The following SCNN1D variants were observed in gnomAD, a reference collection of about 807,000 sequenced individuals.
SCNN1D encodes the protein epithelial sodium channel subunit delta.
Under a neutral mutation model 87.8 loss-of-function variants are expected in SCNN1D, and 104 were observed. The observed-to-expected ratio is 1.18, with a 90% CI of 1.01 to 1.39. SCNN1D has a LOEUF of 1.39. SCNN1D is among the 40% of genes most tolerant of loss of function. The probability of loss-of-function intolerance (pLI) is 0.00; values close to 1 mark genes in which losing one functional copy is unlikely to be tolerated. For missense variants in SCNN1D, 1,324 were observed against 1,093.9 expected (o/e 1.21, Z -2.97); for synonymous variants, 628 against 481.2 (o/e 1.31, Z -3.99).
intron 3 of SCNN1D, chr1:1,281,870 G>A: frequency 1.7e-6 from 1 of 574,370 alleles, no homozygotes; most frequent in South Asian, 2.1e-5. Context: ...CTGCACCAAG[G>A]CTGGGCTGTC....
At chr1:1,284,806 A>ACG (rs1640553401) in intron 5 of SCNN1D, among the ~76,000 whole-genome samples, 1 of 152,070 alleles carries the variant, frequency 6.6e-6, no homozygotes, top group African/African-American at 2.4e-5. Context: ...TCTCACACAC[A>ACG]CGCGCACATG....
chr1:1,291,206 G>A (rs566647862), intron 17 of SCNN1D, 48 bp from the exon 18 acceptor site: 6 of 1,580,028 alleles, frequency 3.8e-6, no homozygotes, highest in South Asian at 3.4e-5. Flanking sequence ...TGCACAGAAG[G>A]GGCACGGGGG....
Position 1,290,530 on chromosome 1 carries a change from A to G in SCNN1D, c.1834A>G (p.Thr612Ala), listed in dbSNP as rs755793494. ...CCTGGAGACCCACCGGCTCCCCTGT[A>G]CCTCCCGCTGCCCCAGGCCCTGCAG... is the stretch of plus-strand genomic sequence containing the variant. ...QDLETHRLPC[T>A]SRCPRPCRES... Residue 612 changes from threonine (T) to alanine (A), a missense_variant, in exon 14 of 18, where the codon ACC (threonine) becomes GCC (alanine). Coordinates refer to ENST00000379116, the MANE Select transcript of SCNN1D (RefSeq NM_001130413.4). The G allele has an allele frequency of 1.9e-6, 3 of 1,612,420 alleles. No individual in the cohort carries two copies. Among genetic ancestry groups the G allele is most frequent in the Non-Finnish European group, 2.5e-6 (3 of 1,179,850 alleles).
chr1:1,288,062 C>A, intron 12 of SCNN1D, 25 bp downstream of exon 12: 1 of 592,102 alleles, frequency 1.7e-6, no homozygotes, highest in African/African-American at 2.8e-5. Context: ...GCAGGGGGTG[C>A]GGGGGCAGGT....
rs1213746373 is a variant in SCNN1D at position 1,291,617 on chromosome 1, C to T, written c.*7C>T. The T allele has an allele frequency of 6.6e-7, 1 of 1,506,716 alleles. No homozygotes were observed. Among genetic ancestry groups the T allele is most frequent in the African/African-American group, 1.4e-5 (1 of 71,484 alleles). The allele number at this position is 1,506,716 out of a possible 1,614,324, so 93.3% of individuals were successfully genotyped here. A position where few individuals can be genotyped will look rare whatever the true frequency, so the allele number is the denominator to read the frequency against. ...TGAGACTCTGGACACCTGAACCAGACCTGCCAGGGCTGTGCGATCTCTTGG... is the reference window on the plus strand; with the variant it reads ...TGAGACTCTGGACACCTGAACCAGATCTGCCAGGGCTGTGCGATCTCTTGG... On this transcript the variant is annotated 3_prime_UTR_variant, in exon 18 of 18. Coordinates refer to ENST00000379116, the MANE Select transcript of SCNN1D (RefSeq NM_001130413.4).
chr1:1,290,058 G>A (rs1319846890), intron 12 of SCNN1D, among the ~76,000 whole-genome samples: 6 of 109,228 alleles, frequency 5.5e-5, no homozygotes, highest in Admixed American at 9.3e-5. Flanking sequence ...GCTCCGTCCC[G>A]TGTCTCTGCT....
rs1376766880 is a variant in SCNN1D, at chr1:1,287,786, C to T, written c.1513C>T (p.His505Tyr). 3.8e-6 allele frequency: 6 copies of T among 1,592,258 alleles called. No individual in the cohort carries two copies. In the African/African-American group the frequency reaches 6.7e-5, roughly 18 times the overall value. Residue 505 changes from histidine to tyrosine, a missense_variant, in exon 11 of 18, where the codon CAC becomes TAC. His to Tyr is a moderately conservative substitution (Grantham distance 83, BLOSUM62 2). Transcript: ENST00000379116. ...TAACCACACGCCCTTCCTGGGGCACCACAGCTTCAGCGTCCGGCCAGGGAC... is the reference window on the plus strand; with the variant it reads ...TAACCACACGCCCTTCCTGGGGCACTACAGCTTCAGCGTCCGGCCAGGGAC... ...GRNHTPFLGH[H>Y]SFSVRPGTEA...
chr1:1,286,685 T>C (rs1640598487), intron 7 of SCNN1D, 83 bp from the exon 8 acceptor site: 6 of 1,346,530 alleles, frequency 4.5e-6, no homozygotes, highest in African/African-American at 1.4e-5. Context: ...GAGGCACTGC[T>C]GTCCCGACAG....
chr1:1,285,504 G>A (rs1640568684), intron 5 of SCNN1D, 67 bp from the exon 6 acceptor site: 1 of 1,128,520 alleles, frequency 8.9e-7, no homozygotes, highest in Non-Finnish European at 1.2e-6. Flanking sequence ...AGAAGGGCAA[G>A]TCTTCCCCTG....
intron 3 of SCNN1D, 138 bp from the exon 4 acceptor site, chr1:1,282,104 T>C: frequency 1.6e-6 from 1 of 644,304 alleles, no homozygotes; most frequent in Non-Finnish European, 2.9e-6. Flanking sequence ...CTGTGGGGTC[T>C]CTGTGACATC....
chr1:1,288,470 CT>C (rs1640680884), intron 12 of SCNN1D, among the ~76,000 whole-genome samples: 1 of 108,450 alleles, frequency 9.2e-6, no homozygotes, highest in Non-Finnish European at 1.9e-5. Context: ...CGTGTCTCTG[CT>C]CCGTCCCGTG....
Position 1,290,269 on chromosome 1 carries a change from A to AG in SCNN1D, c.1663dup. ...GTCCCTGCTCATCCCCCCTGTCCCC[A>AG]GGCCTGCCTGGTGTCCTGCTTCCAG... On this transcript the variant is annotated splice_acceptor_variant, in intron 12 of 17. Coordinates refer to ENST00000379116, the MANE Select transcript of SCNN1D (RefSeq NM_001130413.4). LOFTEE classifies it high-confidence loss of function. The AG allele has an allele frequency of 6.4e-7, 1 of 1,556,992 alleles. No homozygotes were observed.
Position 1,286,841 on chromosome 1 carries a change from G to A in SCNN1D, c.985G>A (p.Val329Ile), listed in dbSNP as rs377468821. 62 of 1,612,580 alleles carry A rather than the reference G, an allele frequency of 3.8e-5. No individual in the cohort carries two copies. The African/African-American group carries it at 5.9e-4, about 15-fold the overall frequency. ...ARENIDSLYNVNLSKGRAALS... is the reference protein window; with the variant it reads ...ARENIDSLYNINLSKGRAALS... Reference sequence around the variant, plus strand: ...GGAGAACATTGACTCCCTGTACAACGTCAACCTCAGCAAAGGCAGAGCCGC... The same window carrying A: ...GGAGAACATTGACTCCCTGTACAACATCAACCTCAGCAAAGGCAGAGCCGC... Residue 329 changes from valine (V) to isoleucine (I), a missense_variant, in exon 8 of 18, where the codon GTC (valine) becomes ATC (isoleucine). Transcript: ENST00000379116.
intron 12 of SCNN1D, 149 bp downstream of exon 12, chr1:1,288,186 T>C: frequency 1.6e-6 from 1 of 627,392 alleles, no homozygotes; most frequent in Admixed American, 2.9e-5. Flanking sequence ...CCATCCCCCG[T>C]GTCCCCGCTC....
Position 1,286,868 on chromosome 1 carries a change from C to G in SCNN1D, c.1012C>G (p.Leu338Val), listed in dbSNP as rs1640603289. ...CAACCTCAGCAAAGGCAGAGCCGCCCTCTCCGCCACTGTCCCCCGCCACGA... is the reference window on the plus strand; with the variant it reads ...CAACCTCAGCAAAGGCAGAGCCGCCGTCTCCGCCACTGTCCCCCGCCACGA... ...NVNLSKGRAALSATVPRHEPP... is the reference protein window; with the variant it reads ...NVNLSKGRAAVSATVPRHEPP... The change falls in exon 8 of 18, where the codon CTC becomes GTC. Residue 338 changes from leucine (L) to valine (V), a missense_variant. Leu to Val is a conservative substitution (Grantham distance 32). Coordinates refer to ENST00000379116, the MANE Select transcript of SCNN1D (RefSeq NM_001130413.4). 2.5e-6 allele frequency: 4 copies of G among 1,612,544 alleles called. No homozygotes were observed. Among genetic ancestry groups the G allele is most frequent in the Non-Finnish European group, 3.4e-6 (4 of 1,179,810 alleles).
intron 6 of SCNN1D, 100 bp downstream of exon 6, chr1:1,285,764 A>T: frequency 8.2e-7 from 1 of 1,223,422 alleles, no homozygotes; most frequent in Non-Finnish European, 1.1e-6. Context: ...GGACGGGTGT[A>T]TCCGGGGAGA....
In SCNN1D at chr1:1,286,994, G is replaced by C. The variant is rs749405098; in HGVS notation, c.1119+19G>C. ...CAGACTGGTGAGTGTCCCAGCCGGG[G>C]CCTGCAGCCATCAGGGCCTTGAGCT... is the stretch of plus-strand genomic sequence containing the variant. On this transcript the variant is annotated intron_variant, in intron 8 of 17. Transcript: ENST00000379116. 1 of 1,606,662 alleles carries C rather than the reference G, an allele frequency of 6.2e-7. No individual in the cohort carries two copies. The highest frequency in any genetic ancestry group is 1.7e-5 in the Admixed American group (1 of 59,656).
intron 15 of SCNN1D, 26 bp downstream of exon 15, chr1:1,290,720 G>A (rs1441420887): frequency 2.5e-6 from 4 of 1,611,882 alleles, no homozygotes; most frequent in Non-Finnish European, 3.4e-6. Context: ...GGTGGGGTGG[G>A]GGTGTGGACA....
At chr1:1,291,007 C>A in intron 16 of SCNN1D, 54 bp downstream of exon 16, 3 of 1,592,372 alleles carry the variant, frequency 1.9e-6, no homozygotes, top group Non-Finnish European at 2.6e-6. Flanking sequence ...CCCCTCAAAG[C>A]CCCCCTCCCC....
Sources: gnomAD v4.1 joint callset for allele counts (sites outside exome capture counted in the v4.1 genomes callset) on GRCh38, gnomAD v4.1.1 for gene constraint, MANE v1.5 for transcripts, NCBI Gene and HGNC (gene_info 2026-07-23, HGNC 2026-07-21) for gene names.